Variants in HSD17B3 observed in about 807,000 individuals in gnomAD.
HSD17B3 encodes hydroxysteroid 17-beta dehydrogenase 3, also known as 17-beta-hydroxysteroid dehydrogenase type 3.
In HSD17B3, 29 loss-of-function variants were observed where a neutral mutation model predicts 41.1. That is an observed-to-expected ratio of 0.71 (90% CI 0.53 to 0.96). The LOEUF (loss-of-function observed/expected upper bound fraction) is 0.96, where lower values mean the gene tolerates loss of function less well. Among genes scored for constraint, HSD17B3 ranks in the 40% least tolerant of loss-of-function variants. HSD17B3 has a pLI of 0.00. For synonymous variants in HSD17B3, 126 were observed against 145.6 expected (o/e 0.87, Z 0.97); for missense variants, 323 against 374.6 (o/e 0.86, Z 1.14).
chr9:96,295,651 A>G (rs946349633), intron 2 of HSD17B3, among the ~76,000 whole-genome samples: 1 of 152,128 alleles, frequency 6.6e-6, no homozygotes, highest in African/African-American at 2.4e-5. Context: ...GAGCTTTTTT[A>G]ACTGACATGC....
intron 10 of HSD17B3, 46 bp from the exon 11 acceptor site, chr9:96,235,616 G>A: frequency 1.4e-6 from 2 of 1,454,754 alleles, no homozygotes; most frequent in Non-Finnish European, 1.9e-6. Flanking sequence ...GGAATAACAA[G>A]TACCTCAGTT....
intron 3 of HSD17B3, 72 bp downstream of exon 3, chr9:96,254,796 C>T: frequency 7.7e-7 from 1 of 1,300,170 alleles, no homozygotes; most frequent in Admixed American, 1.7e-5. Context: ...CCAAGTACAT[C>T]AACTGGCATG....
At chr9:96,255,950 G>A (rs1400506578) in intron 2 of HSD17B3, among the ~76,000 whole-genome samples, 3 of 152,332 alleles carry the variant, frequency 2.0e-5, no homozygotes, top group East Asian at 1.9e-4. Flanking sequence ...TTCCGCGGGG[G>A]ACACGTAAAC....
intron 2 of HSD17B3, among the ~76,000 whole-genome samples, chr9:96,267,102 C>T (rs1826067646): frequency 6.6e-6 from 1 of 151,940 alleles, no homozygotes; most frequent in Non-Finnish European, 1.5e-5. Flanking sequence ...AGACAGACTG[C>T]CAGACAAACG....
At chr9:96,286,681 C>A (rs998780090) in intron 2 of HSD17B3, among the ~76,000 whole-genome samples, 37 of 148,890 alleles carry the variant, frequency 2.5e-4, no homozygotes, top group African/African-American at 8.4e-4. Flanking sequence ...CAGAGGGAGA[C>A]CCTGTCTCAA....
chr9:96,260,468 G>T (rs575750654), intron 2 of HSD17B3, among the ~76,000 whole-genome samples: 1 of 152,192 alleles, frequency 6.6e-6, no homozygotes, highest in South Asian at 2.1e-4. Context: ...TCTTGGGTTT[G>T]GGCCAACCTA....
intron 2 of HSD17B3, among the ~76,000 whole-genome samples, chr9:96,265,041 T>C (rs935105681): frequency 6.6e-6 from 1 of 152,244 alleles, no homozygotes; most frequent in Admixed American, 6.5e-5. Flanking sequence ...TATTTTCTAA[T>C]AAGACTGCTT....
At chr9:96,253,903 G>C (rs968079225) in intron 3 of HSD17B3, among the ~76,000 whole-genome samples, 1 of 152,006 alleles carries the variant, frequency 6.6e-6, no homozygotes, top group Non-Finnish European at 1.5e-5. Flanking sequence ...ATGGGTTCAA[G>C]GGCACTGTGC....
chr9:96,293,307 G>A (rs1485108440), intron 2 of HSD17B3, among the ~76,000 whole-genome samples: 1 of 152,112 alleles, frequency 6.6e-6, no homozygotes, highest in Admixed American at 6.6e-5. Context: ...TAAGGAGGGT[G>A]GGCCTCGTCT....
chr9:96,269,436 A>T (rs1826157071), intron 2 of HSD17B3, among the ~76,000 whole-genome samples: 1 of 152,198 alleles, frequency 6.6e-6, no homozygotes, highest in Non-Finnish European at 1.5e-5. Context: ...AAATAGTAAC[A>T]ACATAAATGT....
chr9:96,284,596 A>G (rs909835130), intron 2 of HSD17B3, among the ~76,000 whole-genome samples: 4 of 152,256 alleles, frequency 2.6e-5, no homozygotes, highest in African/African-American at 7.2e-5. Flanking sequence ...TAAAGCCAGT[A>G]AGAGTCCATT....
chr9:96,244,331 GGAT>G lies in HSD17B3; in HGVS notation c.667_669del (p.Ile223del). 4 of 1,614,080 alleles carry G rather than the reference GGAT, an allele frequency of 2.5e-6. No homozygotes were observed. The highest frequency in any genetic ancestry group is 3.4e-6 in the Non-Finnish European group (4 of 1,179,940). ...GACTCCACAGCTGCCCACCTCACCTGGATGATGACTTCTTTTGCTTTATATTCC... is the reference window on the plus strand; with the variant it reads ...GACTCCACAGCTGCCCACCTCACCTGGATGACTTCTTTTGCTTTATATTCC... On this transcript the variant is annotated inframe_deletion, in exon 9 of 11. Transcript: ENST00000375263.
chr9:96,245,172 G>C (rs1229270481), intron 8 of HSD17B3, among the ~76,000 whole-genome samples, 173 bp downstream of exon 8: 1 of 152,196 alleles, frequency 6.6e-6, no homozygotes, highest in African/African-American at 2.4e-5. Flanking sequence ...GCCCAGAGCA[G>C]GTGCTTTATT....
intron 1 of HSD17B3, among the ~76,000 whole-genome samples, chr9:96,301,183 T>C (rs1485517043): frequency 6.6e-6 from 1 of 152,184 alleles, no homozygotes; most frequent in African/African-American, 2.4e-5. Context: ...CATTCTAATT[T>C]CACTCACACT....
chr9:96,298,418 C>T lies in HSD17B3; in HGVS notation c.199G>A (p.Glu67Lys), dbSNP rs1017003712. 9 of 1,613,096 alleles carry T rather than the reference C, an allele frequency of 5.6e-6. No homozygotes were observed. In the East Asian group the frequency reaches 6.7e-5, roughly 12 times the overall value. ...GDGIGKAYSF[E>K]LAKRGLNVVL... Reference sequence around the variant, plus strand: ...AAGTCCCCAGGAAGATAGCTTACCTCGAACGAGTACGCTTTCCCAATTCCA... The same window carrying T: ...AAGTCCCCAGGAAGATAGCTTACCTTGAACGAGTACGCTTTCCCAATTCCA... Residue 67 changes from glutamate (E) to lysine (K), a missense_variant and splice_region_variant, in exon 2 of 11, where the codon GAG (glutamate) becomes AAG (lysine). Physicochemically the swap from Glu to Lys is moderately conservative, Grantham distance 56. Transcript: ENST00000375263.
Position 96,251,504 on chromosome 9 carries a change from A to G in HSD17B3, c.386-19T>C. 1 of 1,610,148 alleles carries G rather than the reference A, an allele frequency of 6.2e-7. No individual in the cohort carries two copies. The highest frequency in any genetic ancestry group is 1.1e-5 in the South Asian group (1 of 90,974). On this transcript the variant is annotated intron_variant, in intron 4 of 10. Transcript: ENST00000375263. Reference sequence around the variant, plus strand: ...TTGTTGACTGGCAGAAAGAAGCAAAACAAAAATGTGTCAGAAGATCAGGTG... The same window carrying G: ...TTGTTGACTGGCAGAAAGAAGCAAAGCAAAAATGTGTCAGAAGATCAGGTG...
intron 1 of HSD17B3, among the ~76,000 whole-genome samples, chr9:96,300,847 G>A (rs1827570671): frequency 6.6e-6 from 1 of 152,096 alleles, no homozygotes; most frequent in Non-Finnish European, 1.5e-5. Flanking sequence ...CTGAAAACAT[G>A]GCTCCATAGA....
chr9:96,300,428 A>G (rs544844612), intron 1 of HSD17B3, among the ~76,000 whole-genome samples: 1 of 142,710 alleles, frequency 7.0e-6, no homozygotes, highest in South Asian at 2.4e-4. Flanking sequence ...TGAATTGTTT[A>G]ATGCATGTCT....
At chr9:96,244,937 T>C (rs1260143578) in intron 8 of HSD17B3, among the ~76,000 whole-genome samples, 2 of 151,954 alleles carry the variant, frequency 1.3e-5, no homozygotes, top group African/African-American at 2.4e-5. Context: ...TTGGGATAAA[T>C]CCATCCCTAG....
Sources: gnomAD v4.1 joint callset for allele counts (sites outside exome capture counted in the v4.1 genomes callset) on GRCh38, gnomAD v4.1.1 for gene constraint, MANE v1.5 for transcripts, NCBI Gene and HGNC (gene_info 2026-07-23, HGNC 2026-07-21) for gene names.